The following DLC1 variants were observed in gnomAD, a reference collection of about 807,000 sequenced individuals.
DLC1 encodes DLC1 Rho GTPase activating protein.
In DLC1, 54 loss-of-function variants were observed where a neutral mutation model predicts 140.3. That is an observed-to-expected ratio of 0.38 (90% confidence interval 0.31 to 0.48). The LOEUF (loss-of-function observed/expected upper bound fraction) is 0.48, where lower values mean the gene tolerates loss of function less well. DLC1 is among the 20% of genes least tolerant of loss of function. DLC1 has a pLI of 0.96. For missense variants in DLC1, 2,536 were observed against 1,907.0 expected (o/e 1.33, Z -6.14); for synonymous variants, 986 against 728.1 (o/e 1.35, Z -5.70).
intron 6 of DLC1, 91 bp downstream of exon 6, chr8:13,115,495 A>G: frequency 4.1e-6 from 5 of 1,206,534 alleles, no homozygotes; most frequent in Non-Finnish European, 5.8e-6. Flanking sequence ...TTAAACGATA[A>G]AACTGCTGAA....
At chr8:13,315,035 C>T (rs1331054707) in intron 4 of DLC1, among the ~76,000 whole-genome samples, 1 of 152,180 alleles carries the variant, frequency 6.6e-6, no homozygotes, top group Non-Finnish European at 1.5e-5. Flanking sequence ...TAATGAAACT[C>T]ATCACTTCAG....
At chr8:13,471,837 C>A (rs144609628) in intron 2 of DLC1, among the ~76,000 whole-genome samples, 1 of 152,194 alleles carries the variant, frequency 6.6e-6, no homozygotes, top group African/African-American at 2.4e-5. Flanking sequence ...TCCACCCCCA[C>A]GCTGAAGCCA....
chr8:13,162,476 C>T (rs1824779354), intron 5 of DLC1, among the ~76,000 whole-genome samples: 2 of 152,166 alleles, frequency 1.3e-5, no homozygotes, highest in South Asian at 4.1e-4. Context: ...GTGCCTGCCA[C>T]CAAACCCGGC....
At chr8:13,152,314 AT>A (rs1311415461) in intron 5 of DLC1, among the ~76,000 whole-genome samples, 1 of 152,192 alleles carries the variant, frequency 6.6e-6, no homozygotes, top group East Asian at 1.9e-4. Flanking sequence ...ATAGACACAA[AT>A]CATTCTTTTT....
At chr8:13,567,023 ACAAAAGTG>A in intron 1 of DLC1, 1 of 1,551,136 alleles carries the variant, frequency 6.4e-7, no homozygotes, top group Non-Finnish European at 8.7e-7. Context: ...GCCCAAACGG[ACAAAAGTG>A]CTCTTGCAAA....
chr8:13,094,985 G>T lies in DLC1; in HGVS notation c.3328-28C>A, dbSNP rs746368110. On this transcript the variant is annotated intron_variant, in intron 11 of 17. Coordinates refer to ENST00000276297, the MANE Select transcript of DLC1 (RefSeq NM_182643.3). Reference sequence around the variant, plus strand: ...GTCGGAAGAGCAACACTAAGTGTGGGGTACATTCACGTGGACGCAGTGTTT... The same window carrying T: ...GTCGGAAGAGCAACACTAAGTGTGGTGTACATTCACGTGGACGCAGTGTTT... 6.2e-6 allele frequency: 10 copies of T among 1,613,876 alleles called. No homozygotes were observed. The South Asian group carries it at 1.1e-4, about 18-fold the overall frequency.
At chr8:13,170,346 A>G (rs565643757) in intron 5 of DLC1, among the ~76,000 whole-genome samples, 143 of 152,340 alleles carry the variant, frequency 9.4e-4, no homozygotes, top group Non-Finnish European at 1.7e-3. Context: ...ACACTCTTTC[A>G]TAGCAACTAG....
intron 5 of DLC1, among the ~76,000 whole-genome samples, chr8:13,202,373 G>A (rs949966266): frequency 2.6e-5 from 4 of 152,166 alleles, no homozygotes; most frequent in Non-Finnish European, 2.9e-5. Flanking sequence ...GATTAGATCA[G>A]ATAATTGACA....
intron 1 of DLC1, among the ~76,000 whole-genome samples, chr8:13,522,464 A>C (rs1802794439): frequency 6.6e-6 from 1 of 152,006 alleles, no homozygotes; most frequent in Non-Finnish European, 1.5e-5. Flanking sequence ...GTGTCTATTA[A>C]AAATGCAAAA....
chr8:13,379,938 T>C (rs289517), intron 4 of DLC1, among the ~76,000 whole-genome samples: 78,880 of 151,940 alleles, frequency 0.52, 20,989 homozygotes, highest in East Asian at 0.81. Flanking sequence ...ATGTGGGAGC[T>C]GAACAATGAG....
At chr8:13,536,579 A>G (rs1803294380) in intron 1 of DLC1, among the ~76,000 whole-genome samples, 1 of 152,148 alleles carries the variant, frequency 6.6e-6, no homozygotes, top group Non-Finnish European at 1.5e-5. Context: ...AGGCTCTGAG[A>G]GGTTAAATAA....
intron 1 of DLC1, among the ~76,000 whole-genome samples, chr8:13,572,379 G>A (rs909402015): frequency 6.6e-6 from 1 of 151,968 alleles, no homozygotes; most frequent in Non-Finnish European, 1.5e-5. Context: ...TTTATATTTT[G>A]GATAGTAAAT....
chr8:13,126,688 G>A (rs1167683617), intron 5 of DLC1, among the ~76,000 whole-genome samples: 1 of 152,054 alleles, frequency 6.6e-6, no homozygotes, highest in Non-Finnish European at 1.5e-5. Flanking sequence ...CAAACCTAGA[G>A]TAACCCTGTC....
intron 2 of DLC1, among the ~76,000 whole-genome samples, chr8:13,496,680 T>G (rs1412414774): frequency 2.6e-5 from 4 of 152,046 alleles, no homozygotes; most frequent in Non-Finnish European, 5.9e-5. Context: ...TACTATATTA[T>G]GAGCCTCTTT....
chr8:13,189,233 C>T (rs1203585438), intron 5 of DLC1, among the ~76,000 whole-genome samples: 2 of 152,140 alleles, frequency 1.3e-5, no homozygotes, highest in Non-Finnish European at 2.9e-5. Flanking sequence ...TATACAGATT[C>T]ATTTCGTTTG....
intron 5 of DLC1, among the ~76,000 whole-genome samples, chr8:13,262,389 A>AT (rs879831802): frequency 2.2e-3 from 316 of 146,388 alleles, no homozygotes; most frequent in East Asian, 2.2e-3. Context: ...AAAACTCTCA[A>AT]TTTTTTTTTT....
intron 5 of DLC1, among the ~76,000 whole-genome samples, chr8:13,123,312 T>TC (rs939221408): frequency 6.6e-5 from 10 of 151,650 alleles, no homozygotes; most frequent in African/African-American, 2.4e-4. Flanking sequence ...TCATGCCCTG[T>TC]CCCCCTGCTC....
chr8:13,401,361 T>A, intron 3 of DLC1, 109 bp downstream of exon 3: 1 of 1,388,970 alleles, frequency 7.2e-7, no homozygotes, highest in East Asian at 2.4e-5. Context: ...GTACTGGGGT[T>A]ACATGTTGTT....
chr8:13,358,978 GC>G (rs1835079441), intron 4 of DLC1, among the ~76,000 whole-genome samples: 1 of 123,350 alleles, frequency 8.1e-6, no homozygotes, highest in African/African-American at 3.4e-5. Context: ...TTGCTCTGTC[GC>G]CCACGCTGGA....
Sources: allele counts gnomAD v4.1 joint callset (sites outside exome capture counted in the v4.1 genomes callset), GRCh38; gene constraint gnomAD v4.1.1; transcripts MANE v1.5; gene names NCBI Gene and HGNC (gene_info 2026-07-23, HGNC 2026-07-21).